The following PUM2 variants were observed in gnomAD, a reference collection of about 807,000 sequenced individuals.
PUM2 encodes the protein pumilio homolog 2.
Under a neutral mutation model 124.5 loss-of-function variants are expected in PUM2, and 57 were observed. The observed-to-expected ratio is 0.46, with a 90% CI of 0.37 to 0.57. The LOEUF is 0.57. Ranked by LOEUF, PUM2 falls within the 20% of genes least tolerant of loss-of-function variation. The pLI is 0.00. For missense variants in PUM2, 1,065 were observed against 1,290.6 expected (o/e 0.83, Z 2.68); for synonymous variants, 460 against 446.1 (o/e 1.03, Z -0.39).
chr2:20,274,185 A>G (rs1669651480), intron 13 of PUM2, among the ~76,000 whole-genome samples: 1 of 152,156 alleles, frequency 6.6e-6, no homozygotes, highest in Admixed American at 6.5e-5. Context: ...AATTAGGATG[A>G]AATGAAATAT....
chr2:20,313,835 CAAAAA>C lies in PUM2; in HGVS notation c.161-1417_161-1413del, dbSNP rs35569645. Among the ~76,000 whole-genome samples the C allele has an allele frequency of 4.9e-4, 27 of 55,054 alleles. 1 individual carries two copies. Among genetic ancestry groups the C allele is most frequent in the African/African-American group, 1.4e-3 (26 of 18,006 alleles). The allele number at this position is 55,054 out of a possible 152,430, so 36.1% of individuals were successfully genotyped here. On this transcript the variant is annotated intron_variant, in intron 3 of 20. Transcript: ENST00000361078. ...TGGGTGACAGAGTGAGATCCTGTCT[CAAAAA>C]AAAAAAAAAAAAAAAAAAAAGGCCA... is the stretch of plus-strand genomic sequence containing the variant.
At chr2:20,291,666 C>T (rs1050789504) in intron 9 of PUM2, among the ~76,000 whole-genome samples, 1 of 151,874 alleles carries the variant, frequency 6.6e-6, no homozygotes, top group Non-Finnish European at 1.5e-5. Flanking sequence ...GGAGCTGCTC[C>T]CATCTTCATC....
intron 1 of PUM2, chr2:20,332,034 A>T (rs1401469890): frequency 6.6e-6 from 1 of 152,220 alleles, no homozygotes; most frequent in Admixed American, 6.5e-5. Flanking sequence ...TGTATCACAA[A>T]TTATTCTTTT....
chr2:20,266,557 C>A (rs1276467707), intron 13 of PUM2, among the ~76,000 whole-genome samples: 3 of 151,512 alleles, frequency 2.0e-5, no homozygotes, highest in Non-Finnish European at 4.4e-5. Flanking sequence ...GACGAACTAT[C>A]ACCAATTAAT....
chr2:20,260,018 A>AT (rs1665788151), intron 15 of PUM2, among the ~76,000 whole-genome samples: 1 of 152,144 alleles, frequency 6.6e-6, no homozygotes, highest in African/African-American at 2.4e-5. Flanking sequence ...ATTGATCTGC[A>AT]TTTCCCTGAT....
chr2:20,308,281 G>C (rs1438888192), intron 6 of PUM2, 33 bp downstream of exon 6: 1 of 1,604,190 alleles, frequency 6.2e-7, no homozygotes, highest in African/African-American at 1.3e-5. Flanking sequence ...ATACAGTTAA[G>C]AGGACCTTCT....
intron 1 of PUM2, among the ~76,000 whole-genome samples, chr2:20,335,629 C>G (rs1017845692): frequency 2.6e-5 from 4 of 152,152 alleles, no homozygotes; most frequent in Non-Finnish European, 5.9e-5. Context: ...GGGGAGTTAC[C>G]TCTGCTGGCT....
chr2:20,343,300 G>A (rs901518207), intron 1 of PUM2, among the ~76,000 whole-genome samples: 4 of 152,038 alleles, frequency 2.6e-5, no homozygotes, highest in Non-Finnish European at 4.4e-5. Flanking sequence ...AGGCTGAGGT[G>A]GAAGGATCAC....
chr2:20,270,161 G>C (rs950019863), intron 13 of PUM2, among the ~76,000 whole-genome samples: 2 of 152,178 alleles, frequency 1.3e-5, no homozygotes, highest in Non-Finnish European at 2.9e-5. Context: ...AGTTCGAGTA[G>C]CCTAATAGGA....
At chr2:20,303,261 C>A (rs1677425172) in intron 7 of PUM2, among the ~76,000 whole-genome samples, 1 of 147,958 alleles carries the variant, frequency 6.8e-6, no homozygotes. Flanking sequence ...TTGAGCAAGT[C>A]CTCCTCCTCC....
intron 12 of PUM2, among the ~76,000 whole-genome samples, chr2:20,280,498 C>T (rs928984407): frequency 2.0e-5 from 3 of 147,534 alleles, no homozygotes; most frequent in Non-Finnish European, 3.0e-5. Flanking sequence ...ATTTTAAATT[C>T]CTATTTATTT....
chr2:20,349,413 G>T (rs1688866592), intron 1 of PUM2, among the ~76,000 whole-genome samples: 1 of 152,094 alleles, frequency 6.6e-6, no homozygotes, highest in Non-Finnish European at 1.5e-5. Context: ...AATTCTTGCA[G>T]CACGGAAAAT....
At chr2:20,262,921 C>T (rs974569550) in intron 14 of PUM2, among the ~76,000 whole-genome samples, 2 of 151,992 alleles carry the variant, frequency 1.3e-5, no homozygotes, top group African/African-American at 4.8e-5. Context: ...AATACAGAGC[C>T]GATGTAATCA....
Position 20,255,280 on chromosome 2 carries a change from C to A in PUM2, c.2684G>T (p.Cys895Phe). The A allele has an allele frequency of 6.2e-7, 1 of 1,609,176 alleles. No homozygotes were observed. The highest frequency in any genetic ancestry group is 8.5e-7 in the Non-Finnish European group (1 of 1,175,664). Residue 895 changes from cysteine (C) to phenylalanine (F), a missense_variant, in exon 18 of 21, where the codon TGC becomes TTC. Transcript: ENST00000361078. ...GATAGGTAAGGTCTGTTCTGCAGTG[C>A]AATGCTCTAGGATGCGCTGAATTAC... ...CRVIQRILEH[C>F]TAEQTLPILE...
At chr2:20,269,759 A>C (rs149389188) in intron 13 of PUM2, among the ~76,000 whole-genome samples, 6 of 152,306 alleles carry the variant, frequency 3.9e-5, no homozygotes, top group African/African-American at 1.4e-4. Flanking sequence ...TTCCGTTTCT[A>C]TTGCTTGTGA....
intron 10 of PUM2, among the ~76,000 whole-genome samples, chr2:20,286,183 G>A (rs1430683521): frequency 6.6e-6 from 1 of 152,182 alleles, no homozygotes; most frequent in Non-Finnish European, 1.5e-5. Context: ...TTACTATGTA[G>A]AGAGAGGACT....
At chr2:20,332,043 T>C (rs1038324108) in intron 1 of PUM2, 6 of 152,238 alleles carry the variant, frequency 3.9e-5, no homozygotes, top group Non-Finnish European at 8.8e-5. Context: ...AATTATTCTT[T>C]TAAAATTTTT....
intron 1 of PUM2, among the ~76,000 whole-genome samples, chr2:20,337,064 T>G (rs1686270252): frequency 6.6e-6 from 1 of 152,114 alleles, no homozygotes; most frequent in African/African-American, 2.4e-5. Flanking sequence ...AGCTTCAATT[T>G]GTCTAATATT....
At chr2:20,319,657 A>G (rs1325341868) in intron 2 of PUM2, among the ~76,000 whole-genome samples, 2 of 152,242 alleles carry the variant, frequency 1.3e-5, no homozygotes, top group Non-Finnish European at 2.9e-5. Flanking sequence ...TGTGTGACAT[A>G]GTAAACCATT....
Sources: gnomAD v4.1 joint callset for allele counts (sites outside exome capture counted in the v4.1 genomes callset) on GRCh38, gnomAD v4.1.1 for gene constraint, MANE v1.5 for transcripts, NCBI Gene and HGNC (gene_info 2026-07-23, HGNC 2026-07-21) for gene names.